The following ITGA9 variants were observed in gnomAD, a reference collection of about 807,000 sequenced individuals.
ITGA9 encodes integrin alpha-9.
ITGA9 carries 56 observed loss-of-function variants against 127.8 expected under a neutral mutation model. The ratio of observed to expected loss-of-function variants is 0.44; its 90% CI spans 0.35 to 0.55. ITGA9 has a LOEUF of 0.55. ITGA9 is among the 20% of genes least tolerant of loss of function. The probability of loss-of-function intolerance (pLI) is 0.00; values close to 1 mark genes in which losing one functional copy is unlikely to be tolerated. For missense variants in ITGA9, 1,196 were observed against 1,347.1 expected (o/e 0.89, Z 1.76); for synonymous variants, 508 against 514.5 (o/e 0.99, Z 0.17).
intron 26 of ITGA9, among the ~76,000 whole-genome samples, chr3:37,793,999 C>T (rs894256033): frequency 6.6e-6 from 1 of 152,174 alleles, no homozygotes; most frequent in African/African-American, 2.4e-5. Context: ...CGAGTCTTGG[C>T]CACAGATGGA....
intron 22 of ITGA9, among the ~76,000 whole-genome samples, chr3:37,747,258 AT>A (rs1159790996): frequency 6.6e-6 from 1 of 152,002 alleles, no homozygotes; most frequent in African/African-American, 2.4e-5. Context: ...AATTTTTTTC[AT>A]TTTAATTTTT....
intron 18 of ITGA9, among the ~76,000 whole-genome samples, chr3:37,706,070 G>A (rs1701001934): frequency 6.6e-6 from 1 of 152,188 alleles, no homozygotes; most frequent in African/African-American, 2.4e-5. Flanking sequence ...TGGGGTGGGT[G>A]TGCCATTTGG....
At chr3:37,664,463 T>C (rs1356836090) in intron 17 of ITGA9, among the ~76,000 whole-genome samples, 1 of 148,214 alleles carries the variant, frequency 6.7e-6, no homozygotes, top group Non-Finnish European at 1.5e-5. Flanking sequence ...TCGCTCTTGT[T>C]GCCCAGGCTG....
At chr3:37,502,730 C>G (rs767747459) in intron 5 of ITGA9, among the ~76,000 whole-genome samples, 3 of 152,142 alleles carry the variant, frequency 2.0e-5, no homozygotes, top group Non-Finnish European at 2.9e-5. Context: ...TGCACAGTTT[C>G]CTCTCGCTAC....
chr3:37,498,936 C>T (rs1457329805), intron 5 of ITGA9, among the ~76,000 whole-genome samples: 2 of 152,340 alleles, frequency 1.3e-5, no homozygotes, highest in African/African-American at 2.4e-5. Flanking sequence ...CTGACCTCGC[C>T]ACTTGGGCTT....
At chr3:37,484,116 C>T (rs1698584607) in intron 4 of ITGA9, among the ~76,000 whole-genome samples, 1 of 152,152 alleles carries the variant, frequency 6.6e-6, no homozygotes, top group Non-Finnish European at 1.5e-5. Context: ...ATGCCCCTGC[C>T]CAATCTTCCT....
Position 37,452,700 on chromosome 3 carries a change from C to T in ITGA9, c.185+141C>T, listed in dbSNP as rs540980855. The T allele has an allele frequency of 6.9e-5, 52 of 750,366 alleles. No homozygotes were observed. In the East Asian group the frequency reaches 7.9e-4, roughly 11 times the overall value. 46.5% of individuals were successfully genotyped at this position (750,366 alleles called of 1,614,324 possible). A position where few individuals can be genotyped will look rare whatever the true frequency, so the allele number is the denominator to read the frequency against. On this transcript the variant is annotated intron_variant, in intron 1 of 27. Coordinates refer to ENST00000264741, the MANE Select transcript of ITGA9 (RefSeq NM_002207.3). This position sits in a 1 kb window ranked among gnomAD's most constrained non-coding sequence, Gnocchi z 7.3. Reference sequence around the variant, plus strand: ...TTAAATGTCTCCGTTGCGCGCGGCTCGGCCGCCGGGGGACGGCGGGAGAAG... The same window carrying T: ...TTAAATGTCTCCGTTGCGCGCGGCTTGGCCGCCGGGGGACGGCGGGAGAAG...
rs553261642 is a variant in ITGA9, at chr3:37,591,570, A to G, written c.1690-37617A>G. ...TTTCTCTGGGGGGTTGGATTCATAG[A>G]TCTGCTTTGGGGCTGTCTCCTCCTC... On this transcript the variant is annotated intron_variant, in intron 15 of 27. Transcript: ENST00000264741. Among the ~76,000 whole-genome samples, 357 of 152,226 alleles carry G rather than the reference A, an allele frequency of 2.3e-3. 1 individual carries two copies. Among genetic ancestry groups the G allele is most frequent in the African/African-American group, 8.2e-3 (339 of 41,540 alleles).
intron 23 of ITGA9, among the ~76,000 whole-genome samples, chr3:37,762,139 A>C (rs6775417): frequency 0.38 from 58,205 of 152,106 alleles, 12,180 homozygotes; most frequent in African/African-American, 0.55. Context: ...AGGAAGCCAA[A>C]ACCCACCGGC....
chr3:37,818,865 A>G (rs1026417347), intron 27 of ITGA9, 26 bp from the exon 28 acceptor site: 18 of 1,567,918 alleles, frequency 1.1e-5, no homozygotes, highest in Non-Finnish European at 1.5e-5. Flanking sequence ...CTTCTAACTC[A>G]GCTTCTCTTT....
chr3:37,562,196 A>T (rs1699498189), intron 15 of ITGA9, among the ~76,000 whole-genome samples: 1 of 152,164 alleles, frequency 6.6e-6, no homozygotes, highest in Non-Finnish European at 1.5e-5. Flanking sequence ...GGATGGCATC[A>T]GCAACCTGAA....
chr3:37,502,466 C>T (rs530609152), intron 5 of ITGA9, among the ~76,000 whole-genome samples: 351 of 152,180 alleles, frequency 2.3e-3, no homozygotes, highest in Non-Finnish European at 2.8e-3. Flanking sequence ...CCACCCGCCT[C>T]GGCCTCCCAA....
At chr3:37,727,321 A>G (rs1360050922) in intron 18 of ITGA9, among the ~76,000 whole-genome samples, 2 of 152,240 alleles carry the variant, frequency 1.3e-5, no homozygotes, top group African/African-American at 4.8e-5. Flanking sequence ...ATCTTCAGCA[A>G]GAAACCCTGA....
At chr3:37,693,645 A>C (rs1180989990) in intron 18 of ITGA9, among the ~76,000 whole-genome samples, 1 of 152,134 alleles carries the variant, frequency 6.6e-6, no homozygotes, top group East Asian at 1.9e-4. Flanking sequence ...GTATACCTTT[A>C]TTTGAGGGAG....
At chr3:37,601,196 C>T (rs1699919510) in intron 15 of ITGA9, among the ~76,000 whole-genome samples, 1 of 152,170 alleles carries the variant, frequency 6.6e-6, no homozygotes, top group Non-Finnish European at 1.5e-5. Context: ...ACAGTGGTTC[C>T]TTTCTTTCTG....
rs143871821 is a variant in ITGA9 at position 37,533,441 on chromosome 3, C to A, written c.1501C>A (p.His501Asn). 3.2e-5 allele frequency: 52 copies of A among 1,614,046 alleles called. No individual in the cohort carries two copies. Among genetic ancestry groups the A allele is most frequent in the African/African-American group, 5.3e-5 (4 of 74,932 alleles). ...GAACGTCACCACCTGCTTCAGCTTC[C>A]ATGGCAAACACGTTCCAGGAGAGAT... Reference protein sequence around the residue: ...CLNVTTCFSFHGKHVPGEIGL... With the variant: ...CLNVTTCFSFNGKHVPGEIGL... The change falls in exon 14 of 28, where the codon CAT becomes AAT. Residue 501 changes from histidine (H) to asparagine (N), a missense_variant. Physicochemically the swap from His to Asn is moderately conservative, Grantham distance 68 (BLOSUM62 1). Coordinates refer to ENST00000264741, the MANE Select transcript of ITGA9 (RefSeq NM_002207.3).
intron 27 of ITGA9, chr3:37,818,526 G>A (rs1697470170): frequency 3.6e-6 from 1 of 276,378 alleles, no homozygotes; most frequent in Admixed American, 4.7e-5. Flanking sequence ...GCCTCCCAAA[G>A]TGCTGGGATT....
rs116685236 is a variant in ITGA9 at position 37,666,932 on chromosome 3, C to G, written c.1916+13142C>G. Among the ~76,000 whole-genome samples the G allele has an allele frequency of 2.5e-3, 388 of 152,286 alleles. 1 individual carries two copies. Among genetic ancestry groups the G allele is most frequent in the Admixed American group, 5.6e-3 (86 of 15,296 alleles). The stretch of plus-strand genomic sequence containing the variant: ...TGTTTGTACCCCAATTCCTGAGATT[C>G]ACTGGTTGAGGGCTACTCTGGGTTA... On this transcript the variant is annotated intron_variant, in intron 17 of 27. Transcript: ENST00000264741.
intron 19 of ITGA9, among the ~76,000 whole-genome samples, chr3:37,734,313 C>T (rs532437852): frequency 6.6e-6 from 1 of 152,278 alleles, no homozygotes; most frequent in South Asian, 2.1e-4. Flanking sequence ...GACACTATTG[C>T]CTATAGTAAT....
Sources: gnomAD v4.1 joint callset for allele counts (sites outside exome capture counted in the v4.1 genomes callset) on GRCh38, gnomAD v4.1.1 for gene constraint, Gnocchi (gnomAD v3.1) non-coding constraint, MANE v1.5 for transcripts, NCBI Gene and HGNC (gene_info 2026-07-23, HGNC 2026-07-21) for gene names.